The following ADGRB3 variants were observed in gnomAD, a reference collection of about 807,000 sequenced individuals.
ADGRB3 encodes adhesion G protein-coupled receptor B3.
Under a neutral mutation model 193.4 loss-of-function variants are expected in ADGRB3, and 37 were observed. The observed-to-expected ratio is 0.19, with a 90% CI of 0.15 to 0.25. The LOEUF is 0.25. ADGRB3 is among the 10% of genes least tolerant of loss of function. The probability of loss-of-function intolerance (pLI) is 1.00; values close to 1 mark genes in which losing one functional copy is unlikely to be tolerated. For missense variants in ADGRB3, 1,637 were observed against 1,852.9 expected (o/e 0.88, Z 2.14); for synonymous variants, 690 against 644.2 (o/e 1.07, Z -1.08).
chr6:68,807,228 CTTTTTTCT>C (rs1191367159), intron 3 of ADGRB3, among the ~76,000 whole-genome samples: 2 of 94,670 alleles, frequency 2.1e-5, no homozygotes, highest in African/African-American at 8.1e-5. Flanking sequence ...TTTCTTTTTT[CTTTTTTCT>C]TTTTTTTTTT....
rs1177487988 is a variant in ADGRB3 at position 69,068,112 on chromosome 6, C to T, written c.2436+5076C>T. ...AAGTAACTTACAACAGATGGCAGGT[C>T]AGATTTGGCTCATGGGCTATTGTCA... On this transcript the variant is annotated intron_variant, in intron 16 of 31. Coordinates refer to ENST00000370598, the MANE Select transcript of ADGRB3 (RefSeq NM_001704.3). 4.6e-5 allele frequency among the ~76,000 whole-genome samples: 7 copies of T among 152,088 alleles called. No individual in the cohort carries two copies. In the East Asian group the frequency reaches 1.4e-3, roughly 29 times the overall value.
intron 3 of ADGRB3, among the ~76,000 whole-genome samples, chr6:68,742,346 C>T (rs1464049441): frequency 1.3e-5 from 2 of 151,948 alleles, no homozygotes; most frequent in Admixed American, 1.3e-4. Context: ...TATGACAGGT[C>T]ATACACATTT....
At chr6:69,088,059 G>A (rs1248658746) in intron 17 of ADGRB3, among the ~76,000 whole-genome samples, 1 of 152,138 alleles carries the variant, frequency 6.6e-6, no homozygotes, top group East Asian at 1.9e-4. Context: ...GGTTTTCTCA[G>A]GGAGGTCTCT....
chr6:69,376,127 G>C (rs2149457), intron 30 of ADGRB3, among the ~76,000 whole-genome samples: 75,664 of 124,684 alleles, frequency 0.61, 22,839 homozygotes, highest in East Asian at 0.8. Flanking sequence ...GGCTGGCTTT[G>C]TTACTCACAC....
chr6:69,030,760 G>C (rs1770620005), intron 13 of ADGRB3, among the ~76,000 whole-genome samples: 1 of 152,132 alleles, frequency 6.6e-6, no homozygotes, highest in Non-Finnish European at 1.5e-5. Flanking sequence ...AGAACTTAAA[G>C]TATAATAAAG....
chr6:69,269,773 T>C (rs1767132623), intron 20 of ADGRB3, among the ~76,000 whole-genome samples: 1 of 152,182 alleles, frequency 6.6e-6, no homozygotes, highest in South Asian at 2.1e-4. Context: ...GTCATACTCT[T>C]GATACTTTAG....
chr6:69,299,820 C>T (rs879804825), intron 20 of ADGRB3, among the ~76,000 whole-genome samples: 3 of 151,880 alleles, frequency 2.0e-5, no homozygotes, highest in South Asian at 2.1e-4. Context: ...TAGCATGATA[C>T]CTCCAGCTTT....
chr6:68,847,479 T>C (rs1354825861), intron 3 of ADGRB3, among the ~76,000 whole-genome samples: 1 of 152,166 alleles, frequency 6.6e-6, no homozygotes, highest in African/African-American at 2.4e-5. Flanking sequence ...TGGGAGGTGA[T>C]TGAATCATTG....
At chr6:68,686,968 A>T (rs527675953) in intron 3 of ADGRB3, among the ~76,000 whole-genome samples, 2 of 152,170 alleles carry the variant, frequency 1.3e-5, no homozygotes, top group Non-Finnish European at 1.5e-5. Flanking sequence ...AGTGATTTTT[A>T]AAAATATGCT....
At chr6:69,210,039 C>G (rs572809330) in intron 17 of ADGRB3, among the ~76,000 whole-genome samples, 2 of 150,118 alleles carry the variant, frequency 1.3e-5, no homozygotes, top group East Asian at 1.9e-4. Flanking sequence ...TAGAACCACT[C>G]CTGCTACCAA....
intron 26 of ADGRB3, among the ~76,000 whole-genome samples, chr6:69,350,116 T>C (rs1056596036): frequency 6.6e-6 from 1 of 152,202 alleles, no homozygotes; most frequent in Non-Finnish European, 1.5e-5. Flanking sequence ...CAAACCTCTT[T>C]GAACTCATGT....
intron 3 of ADGRB3, among the ~76,000 whole-genome samples, chr6:68,705,147 C>T (rs903821225): frequency 2.9e-4 from 44 of 152,116 alleles, no homozygotes; most frequent in Non-Finnish European, 4.7e-4. Context: ...CATTCCCTTC[C>T]CTCTAGCTCA....
chr6:69,379,649 A>G (rs573526693), intron 30 of ADGRB3, among the ~76,000 whole-genome samples: 2 of 152,122 alleles, frequency 1.3e-5, no homozygotes, highest in African/African-American at 4.8e-5. Context: ...ACTTGAGTCT[A>G]TGAACAAGAA....
intron 17 of ADGRB3, chr6:69,233,057 C>T (rs1357486234): frequency 7.2e-6 from 4 of 554,776 alleles, no homozygotes; most frequent in Admixed American, 3.4e-5. Flanking sequence ...GCACCTCCGG[C>T]GCTGGACAGC....
chr6:68,665,342 T>C (rs183464737), intron 3 of ADGRB3, among the ~76,000 whole-genome samples: 257 of 151,974 alleles, frequency 1.7e-3, no homozygotes, highest in African/African-American at 5.4e-3. Context: ...ATATTTGTTT[T>C]GTTGTGCCAA....
chr6:68,944,160 A>G (rs1562095266), intron 6 of ADGRB3, among the ~76,000 whole-genome samples, 166 bp downstream of exon 6: 2 of 152,140 alleles, frequency 1.3e-5, no homozygotes, highest in Non-Finnish European at 2.9e-5. Flanking sequence ...ATTCTATCAT[A>G]TGTAGTATTG....
chr6:68,687,269 G>T (rs756521599), intron 3 of ADGRB3, among the ~76,000 whole-genome samples: 18 of 151,836 alleles, frequency 1.2e-4, no homozygotes, highest in Non-Finnish European at 1.0e-4. Context: ...TTCATATCAC[G>T]TATTTTTCTT....
At chr6:69,059,379 T>C (rs931404961) in intron 15 of ADGRB3, among the ~76,000 whole-genome samples, 1 of 152,160 alleles carries the variant, frequency 6.6e-6, no homozygotes, top group Non-Finnish European at 1.5e-5. Context: ...TGTAGACAAC[T>C]GAATTGTATT....
chr6:68,730,173 T>G (rs1342398964), intron 3 of ADGRB3, among the ~76,000 whole-genome samples: 1 of 151,656 alleles, frequency 6.6e-6, no homozygotes, highest in Non-Finnish European at 1.5e-5. Flanking sequence ...TTTAGTTAAA[T>G]GTACAGTAAA....
Sources: gnomAD v4.1 joint callset for allele counts (sites outside exome capture counted in the v4.1 genomes callset) on GRCh38, gnomAD v4.1.1 for gene constraint, MANE v1.5 for transcripts, NCBI Gene and HGNC (gene_info 2026-07-23, HGNC 2026-07-21) for gene names.